The following GBE1 variants were observed in gnomAD, a reference collection of about 807,000 sequenced individuals.
GBE1 encodes the protein 1,4-alpha-glucan-branching enzyme.
Under a neutral mutation model 88.8 loss-of-function variants are expected in GBE1, and 70 were observed. The ratio of observed to expected loss-of-function variants is 0.79; its 90% confidence interval spans 0.65 to 0.96. GBE1 has a LOEUF of 0.96. Among genes scored for constraint, GBE1 ranks in the 40% least tolerant of loss-of-function variants. The probability of loss-of-function intolerance (pLI) is 0.00; values close to 1 mark genes in which losing one functional copy is unlikely to be tolerated. For missense variants in GBE1, 872 were observed against 871.0 expected (o/e 1.00, Z -0.01); for synonymous variants, 284 against 300.1 (o/e 0.95, Z 0.56).
chr3:81,728,327 T>C (rs966878693), intron 1 of GBE1, among the ~76,000 whole-genome samples: 12 of 152,268 alleles, frequency 7.9e-5, no homozygotes, highest in Non-Finnish European at 1.8e-4. Flanking sequence ...AGGACTCCTA[T>C]AGAAAGGCAT....
At chr3:81,491,381 T>G (rs1244385501) in intron 15 of GBE1, among the ~76,000 whole-genome samples, 1 of 152,204 alleles carries the variant, frequency 6.6e-6, no homozygotes, top group Non-Finnish European at 1.5e-5. Flanking sequence ...TCATACGTTT[T>G]ATTTCTAACC....
intron 1 of GBE1, among the ~76,000 whole-genome samples, chr3:81,756,413 TCA>T (rs1575780193): frequency 1.3e-5 from 2 of 152,196 alleles, no homozygotes; most frequent in African/African-American, 4.8e-5. Context: ...CAGAAGATAT[TCA>T]CTCAGCCACT....
chr3:81,509,487 G>C (rs953041275), intron 14 of GBE1: 1 of 151,658 alleles, frequency 6.6e-6, no homozygotes, highest in Admixed American at 6.6e-5. Context: ...TTGCTTCTCA[G>C]CCTTTTGGCT....
chr3:81,718,893 C>T (rs1159939988), intron 1 of GBE1, among the ~76,000 whole-genome samples: 2 of 152,092 alleles, frequency 1.3e-5, no homozygotes, highest in South Asian at 4.2e-4. Context: ...CCTCGACCTC[C>T]CAAAGTGCTG....
intron 2 of GBE1, among the ~76,000 whole-genome samples, chr3:81,702,082 GGA>G (rs145867211): frequency 0.057 from 4,353 of 76,626 alleles, 154 homozygotes; most frequent in Middle Eastern, 0.076. Context: ...CAGAATCCCT[GGA>G]GAGAGAGAGA....
chr3:81,602,091 T>C (rs766907507), intron 7 of GBE1, among the ~76,000 whole-genome samples: 11 of 152,202 alleles, frequency 7.2e-5, no homozygotes, highest in Non-Finnish European at 1.5e-4. Context: ...AGTTAATCTA[T>C]TCTGAGGAAG....
intron 3 of GBE1, among the ~76,000 whole-genome samples, chr3:81,665,975 T>G (rs891037337): frequency 1.5e-5 from 1 of 68,478 alleles, no homozygotes; most frequent in Non-Finnish European, 2.6e-5. Flanking sequence ...TAATACATTT[T>G]ATTTCTTTTT....
At chr3:81,647,129 T>G (rs1320587066) in intron 5 of GBE1, among the ~76,000 whole-genome samples, 1 of 152,032 alleles carries the variant, frequency 6.6e-6, no homozygotes, top group Non-Finnish European at 1.5e-5. Flanking sequence ...GCTATTTTTT[T>G]GTATTTTTGG....
chr3:81,719,834 A>G (rs1705996058), intron 1 of GBE1, among the ~76,000 whole-genome samples: 1 of 152,228 alleles, frequency 6.6e-6, no homozygotes, highest in African/African-American at 2.4e-5. Flanking sequence ...CAATAATCAA[A>G]GATCAGAAAA....
chr3:81,544,310 T>C (rs1385489627), intron 12 of GBE1, among the ~76,000 whole-genome samples: 1 of 152,240 alleles, frequency 6.6e-6, no homozygotes, highest in Non-Finnish European at 1.5e-5. Context: ...TTAAGAACAA[T>C]AGTTCTGAGT....
chr3:81,556,774 C>A (rs1447151561), intron 12 of GBE1, among the ~76,000 whole-genome samples: 2 of 151,966 alleles, frequency 1.3e-5, no homozygotes, highest in African/African-American at 2.4e-5. Flanking sequence ...TTAGTCCAGT[C>A]TCCAGTTAAA....
chr3:81,696,026 CT>C (rs1705586765), intron 2 of GBE1, among the ~76,000 whole-genome samples: 1 of 151,980 alleles, frequency 6.6e-6, no homozygotes, highest in African/African-American at 2.4e-5. Context: ...AGCAAGTTTC[CT>C]TTTTTTCCGC....
At chr3:81,687,369 A>G (rs189935220) in intron 2 of GBE1, among the ~76,000 whole-genome samples, 2 of 152,352 alleles carry the variant, frequency 1.3e-5, no homozygotes, top group East Asian at 1.9e-4. Context: ...GATCTGTGAC[A>G]GCAATTTCTT....
chr3:81,692,244 A>C (rs1249227208), intron 2 of GBE1, among the ~76,000 whole-genome samples: 1 of 152,220 alleles, frequency 6.6e-6, no homozygotes, highest in Non-Finnish European at 1.5e-5. Context: ...ATCACAGAAT[A>C]AGTTTGGAGC....
intron 2 of GBE1, among the ~76,000 whole-genome samples, chr3:81,684,320 C>T (rs1165271879): frequency 6.6e-6 from 1 of 152,222 alleles, no homozygotes; most frequent in Non-Finnish European, 1.5e-5. Flanking sequence ...CTGTCTTAGA[C>T]AACTCAGGCT....
intron 1 of GBE1, among the ~76,000 whole-genome samples, chr3:81,746,782 A>T (rs997721806): frequency 5.9e-5 from 9 of 152,212 alleles, no homozygotes; most frequent in African/African-American, 1.9e-4. Flanking sequence ...TTGAGAATAA[A>T]TTCCCATATA....
At chr3:81,542,752 GTTCACCAC>G (rs1703158267) in intron 12 of GBE1, among the ~76,000 whole-genome samples, 5 of 152,016 alleles carry the variant, frequency 3.3e-5, no homozygotes, top group African/African-American at 1.2e-4. Flanking sequence ...TGGGTACTAT[GTTCACCAC>G]CTGGGTGACA....
intron 1 of GBE1, among the ~76,000 whole-genome samples, chr3:81,755,501 T>C (rs1466679857): frequency 6.6e-6 from 1 of 152,166 alleles, no homozygotes; most frequent in Non-Finnish European, 1.5e-5. Context: ...AATCAGTATG[T>C]TGAAAAGATA....
chr3:81,508,847 C>G (rs966720585), intron 14 of GBE1, among the ~76,000 whole-genome samples: 2 of 152,080 alleles, frequency 1.3e-5, no homozygotes, highest in Non-Finnish European at 2.9e-5. Context: ...AATTCCAGTC[C>G]TACCAATTGC....
Sources: allele counts gnomAD v4.1 joint callset (sites outside exome capture counted in the v4.1 genomes callset), GRCh38; gene constraint gnomAD v4.1.1; transcripts MANE v1.5; gene names NCBI Gene and HGNC (gene_info 2026-07-23, HGNC 2026-07-21).